SDCBP2: variants seen among roughly 807,000 people sequenced by gnomAD.
The protein encoded by SDCBP2 is syntenin-2.
Under a neutral mutation model 30.7 loss-of-function variants are expected in SDCBP2, and 28 were observed. That is an observed-to-expected ratio of 0.91 (90% CI 0.68 to 1.25). The LOEUF is 1.25. Among genes scored for constraint, SDCBP2 ranks in the 50% most tolerant of loss-of-function variants. SDCBP2 has a pLI of 0.00. For missense variants in SDCBP2, 399 were observed against 379.0 expected (o/e 1.05, Z -0.44); for synonymous variants, 166 against 157.3 (o/e 1.06, Z -0.41).
chr20:1,321,892 A>AG lies in SDCBP2; in HGVS notation c.-19-1458dup, dbSNP rs1299082390. 5 of 152,260 alleles carry AG rather than the reference A, an allele frequency of 3.3e-5. No homozygotes were observed. The highest frequency in any genetic ancestry group is 5.9e-5 in the Non-Finnish European group (4 of 68,054). The allele number at this position is 152,260 out of a possible 1,614,324, so 9.4% of individuals were successfully genotyped here. Reference sequence around the variant, plus strand: ...AAAAACAGGAAGCTTTGGCAACCCTAGGCTATAGCAGAGTAGCTACAATTG... The same window carrying AG: ...AAAAACAGGAAGCTTTGGCAACCCTAGGGCTATAGCAGAGTAGCTACAATTG... On this transcript the variant is annotated intron_variant, in intron 1 of 8. Transcript: ENST00000360779. This position sits in a 1 kb window ranked among gnomAD's most constrained non-coding sequence, Gnocchi z 5.2.
In SDCBP2 at chr20:1,320,498, C is replaced by T. The variant is rs150248495; in HGVS notation, c.-19-63G>A. 2.7e-4 allele frequency: 339 copies of T among 1,273,220 alleles called. No individual in the cohort carries two copies. The African/African-American group carries it at 4.4e-3, about 17-fold the overall frequency. The allele number at this position is 1,273,220 out of a possible 1,614,324, so 78.9% of individuals were successfully genotyped here. On this transcript the variant is annotated intron_variant, in intron 1 of 8. Transcript: ENST00000360779. This position sits in a 1 kb window ranked among gnomAD's most constrained non-coding sequence, Gnocchi z 4.7. ...GCTGATGCCCCCTTGAAAGGAGGCA[C>T]AGACATCCGCAACAGCAAGCGGGTT...
At position 1,321,718 on chromosome 20, in the gene SDCBP2, A is replaced by C. The variant is rs1166961854; in HGVS notation, c.-19-1283T>G. ...TAAAGAGGCTCACAGGGCCTTCACG[A>C]TTCCACCAGAGATTGGAACTGGTGG... is the stretch of plus-strand genomic sequence containing the variant. On this transcript the variant is annotated intron_variant, in intron 1 of 8. Coordinates refer to ENST00000360779, the MANE Select transcript of SDCBP2 (RefSeq NM_080489.5). This position sits in a 1 kb window ranked among gnomAD's most constrained non-coding sequence, Gnocchi z 5.2. The C allele has an allele frequency of 1.3e-5, 2 of 152,242 alleles. No individual in the cohort carries two copies. The highest frequency in any genetic ancestry group is 4.8e-5 in the African/African-American group (2 of 41,452). 9.4% of individuals were successfully genotyped at this position (152,242 alleles called of 1,614,324 possible).
At position 1,320,555 on chromosome 20, in the gene SDCBP2, G is replaced by C; in HGVS notation, c.-19-120C>G. On this transcript the variant is annotated intron_variant, in intron 1 of 8. Coordinates refer to ENST00000360779, the MANE Select transcript of SDCBP2 (RefSeq NM_080489.5). The surrounding 1 kb of genome is among the most constrained non-coding windows in gnomAD (Gnocchi z 4.7). ...TAATATTCAAACAGAAAGGCAGCAGGGCACTTAGAATGCCTCCCCGAACTC... is the reference window on the plus strand; with the variant it reads ...TAATATTCAAACAGAAAGGCAGCAGCGCACTTAGAATGCCTCCCCGAACTC... The C allele has an allele frequency of 2.7e-6, 2 of 741,668 alleles. No individual in the cohort carries two copies. Among genetic ancestry groups the C allele is most frequent in the Non-Finnish European group, 4.5e-6 (2 of 442,922 alleles). The allele number at this position is 741,668 out of a possible 1,614,324, so 45.9% of individuals were successfully genotyped here.
At chr20:1,312,176 A>G (rs892504212) in intron 7 of SDCBP2, among the ~76,000 whole-genome samples, 161 bp downstream of exon 7, 7 of 152,050 alleles carry the variant, frequency 4.6e-5, no homozygotes, top group Non-Finnish European at 1.0e-4. Context: ...GGGATTACAG[A>G]CGTGAGTCAC....
intron 4 of SDCBP2, chr20:1,317,464 A>C (rs1385857342): frequency 1.3e-5 from 2 of 152,260 alleles, no homozygotes; most frequent in African/African-American, 4.8e-5. Flanking sequence ...TCTTAATTAT[A>C]GGAACAAAGA....
chr20:1,312,268 G>A, intron 7 of SDCBP2, 69 bp downstream of exon 7: 3 of 1,506,198 alleles, frequency 2.0e-6, no homozygotes, highest in East Asian at 2.4e-5. Flanking sequence ...GGTGGGGTAA[G>A]CAAGCTGCCC....
intron 1 of SDCBP2, among the ~76,000 whole-genome samples, chr20:1,325,250 A>C (rs1485205762): frequency 6.6e-6 from 1 of 152,090 alleles, no homozygotes; most frequent in East Asian, 1.9e-4. Context: ...TTAGCCCCAA[A>C]CCAGCCGGAA....
At chr20:1,328,472 C>T (rs1362439611) in intron 1 of SDCBP2, among the ~76,000 whole-genome samples, 2 of 152,122 alleles carry the variant, frequency 1.3e-5, no homozygotes, top group African/African-American at 4.8e-5. Context: ...TCGCCCAGCC[C>T]ATACCAGGCT....
chr20:1,310,373 C>T lies in SDCBP2; in HGVS notation c.*68G>A, dbSNP rs1419532166. On this transcript the variant is annotated 3_prime_UTR_variant, in exon 9 of 9. Transcript: ENST00000360779. ...AGCAGGCCGGCTGCAACCCATCATC[C>T]GAGGGTGGTTGCCCTTTGCTGCAGG... is the stretch of plus-strand genomic sequence containing the variant. 35 of 1,515,416 alleles carry T rather than the reference C, an allele frequency of 2.3e-5. No homozygotes were observed. In the East Asian group the frequency reaches 4.1e-4, roughly 18 times the overall value. 93.9% of individuals were successfully genotyped at this position (1,515,416 alleles called of 1,614,324 possible).
Position 1,310,863 on chromosome 20 carries a change from G to A in SDCBP2, c.761C>T (p.Thr254Met), listed in dbSNP as rs761639154. 26 of 1,613,898 alleles carry A rather than the reference G, an allele frequency of 1.6e-5. No homozygotes were observed. Among genetic ancestry groups the A allele is most frequent in the Admixed American group, 1.7e-5 (1 of 60,000 alleles). Residue 254 changes from threonine to methionine, a missense_variant, in exon 8 of 9, where the codon ACG becomes ATG. Coordinates refer to ENST00000360779, the MANE Select transcript of SDCBP2 (RefSeq NM_080489.5). ...KDKKIMEILA[T>M]AGNVVTLTII... ...GGTCAGGGTGACAACGTTCCCAGCC[G>A]TGGCCAGAATCTCCATGATCTTTTT...
chr20:1,318,260 G>T (rs1190588950), intron 4 of SDCBP2, 58 bp downstream of exon 4: 1 of 1,197,380 alleles, frequency 8.4e-7, no homozygotes, highest in East Asian at 2.3e-5. Context: ...GGCAAGACCA[G>T]GAAAAAGGGA....
intron 4 of SDCBP2, chr20:1,317,932 T>G (rs1407095534): frequency 8.6e-6 from 3 of 349,922 alleles, no homozygotes; most frequent in Non-Finnish European, 1.1e-5. Context: ...TGAGCCTTGT[T>G]GTTTAATTTG....
rs780578108 is a variant in SDCBP2 at position 1,313,281 on chromosome 20, C to T, written c.384+59G>A. ...TGGACGGGCCCTCTGAGCTCTGAGG[C>T]CTGGCGGGAGAGCGCGTGCAGCTCG... On this transcript the variant is annotated intron_variant, in intron 5 of 8. Transcript: ENST00000360779. This position sits in a 1 kb window ranked among gnomAD's most constrained non-coding sequence, Gnocchi z 5.2. 1.3e-6 allele frequency: 2 copies of T among 1,549,074 alleles called. No individual in the cohort carries two copies. Among genetic ancestry groups the T allele is most frequent in the Non-Finnish European group, 1.8e-6 (2 of 1,139,100 alleles).
intron 7 of SDCBP2, among the ~76,000 whole-genome samples, chr20:1,311,962 T>C (rs3795138): frequency 0.78 from 116,355 of 148,618 alleles, 45,653 homozygotes; most frequent in East Asian, 0.92. Context: ...TGCAGTGGCA[T>C]GATCATAGCT....
chr20:1,311,825 C>G (rs1180096777), intron 7 of SDCBP2, among the ~76,000 whole-genome samples: 1 of 151,870 alleles, frequency 6.6e-6, no homozygotes, highest in African/African-American at 2.4e-5. Context: ...GGTGTCCATG[C>G]AGCCAGCAAT....
intron 7 of SDCBP2, among the ~76,000 whole-genome samples, chr20:1,312,107 C>A (rs1213753182): frequency 9.3e-6 from 1 of 107,358 alleles, no homozygotes; most frequent in African/African-American, 3.8e-5. Flanking sequence ...TCACATTGCC[C>A]AGGCTGGTCT....
chr20:1,319,233 A>G (rs1343992264), intron 3 of SDCBP2, among the ~76,000 whole-genome samples: 1 of 152,222 alleles, frequency 6.6e-6, no homozygotes. Context: ...CAAATCGTTT[A>G]TATAGACAGA....
Position 1,320,583 on chromosome 20 carries a change from C to G in SDCBP2, c.-19-148G>C. On this transcript the variant is annotated intron_variant, in intron 1 of 8. Transcript: ENST00000360779. This position sits in a 1 kb window ranked among gnomAD's most constrained non-coding sequence, Gnocchi z 4.7. ...ACTTAGAATGCCTCCCCGAACTCCA[C>G]CCCTAATCCCCTGTCGATATTTGAA... The G allele has an allele frequency of 1.7e-6, 1 of 587,956 alleles. No homozygotes were observed. The highest frequency in any genetic ancestry group is 2.1e-5 in the South Asian group (1 of 48,164). 36.4% of individuals were successfully genotyped at this position (587,956 alleles called of 1,614,324 possible). A position where few individuals can be genotyped will look rare whatever the true frequency, so the allele number is the denominator to read the frequency against.
At chr20:1,328,374 G>C (rs1044281572) in intron 1 of SDCBP2, among the ~76,000 whole-genome samples, 1 of 152,186 alleles carries the variant, frequency 6.6e-6, no homozygotes, top group African/African-American at 2.4e-5. Flanking sequence ...TACAGGGCAG[G>C]AGTGGGAGCA....
Sources: allele counts gnomAD v4.1 joint callset (sites outside exome capture counted in the v4.1 genomes callset), GRCh38; gene constraint gnomAD v4.1.1; non-coding constraint Gnocchi (gnomAD v3.1); transcripts MANE v1.5; gene names NCBI Gene and HGNC (gene_info 2026-07-23, HGNC 2026-07-21).